SORCS3: variants seen among roughly 807,000 people sequenced by gnomAD.
The protein encoded by SORCS3 is VPS10 domain-containing receptor SorCS3.
SORCS3 carries 57 observed loss-of-function variants against 146.3 expected under a neutral mutation model. The ratio of observed to expected loss-of-function variants is 0.39; its 90% CI spans 0.31 to 0.49. The LOEUF is 0.49. Ranked by LOEUF, SORCS3 falls within the 20% of genes least tolerant of loss-of-function variation. The pLI, the probability that SORCS3 is intolerant of heterozygous loss-of-function variation, is 0.92. For synonymous variants in SORCS3, 653 were observed against 618.5 expected, an observed-to-expected ratio of 1.06 and a Z score of -0.83; for missense variants, 1,341 against 1,575.5, an observed-to-expected ratio of 0.85 and a Z score of 2.52.
intron 1 of SORCS3, among the ~76,000 whole-genome samples, chr10:104,762,541 C>T (rs536395749): frequency 7.2e-4 from 109 of 152,268 alleles, no homozygotes; most frequent in Middle Eastern, 3.4e-3. Flanking sequence ...ACATTAGAAA[C>T]GCTTGGTGAT....
At chr10:104,914,509 G>A (rs146776309) in intron 2 of SORCS3, among the ~76,000 whole-genome samples, 7 of 152,270 alleles carry the variant, frequency 4.6e-5, no homozygotes, top group African/African-American at 9.6e-5. Context: ...CATCACATTG[G>A]GAAGGAGGCT....
intron 1 of SORCS3, among the ~76,000 whole-genome samples, chr10:104,761,137 G>A (rs1209503921): frequency 6.6e-6 from 1 of 152,138 alleles, no homozygotes; most frequent in East Asian, 1.9e-4. Context: ...CTTAGTACAA[G>A]TGGTAGATGA....
At chr10:105,136,557 G>A (rs536611096) in intron 7 of SORCS3, among the ~76,000 whole-genome samples, 1 of 152,332 alleles carries the variant, frequency 6.6e-6, no homozygotes, top group South Asian at 2.1e-4. Flanking sequence ...AGGAATGTGT[G>A]TGCCATGAGA....
At chr10:105,242,538 A>G (rs2056835371) in intron 20 of SORCS3, among the ~76,000 whole-genome samples, 1 of 101,224 alleles carries the variant, frequency 9.9e-6, no homozygotes. Context: ...ATATTTATAT[A>G]TATTTATATA....
At chr10:104,908,724 G>A (rs573256805) in intron 2 of SORCS3, among the ~76,000 whole-genome samples, 1 of 152,296 alleles carries the variant, frequency 6.6e-6, no homozygotes, top group South Asian at 2.1e-4. Flanking sequence ...TGTATATTCA[G>A]AGAATAAATA....
At chr10:104,843,321 A>C (rs1168821875) in intron 2 of SORCS3, among the ~76,000 whole-genome samples, 1 of 152,154 alleles carries the variant, frequency 6.6e-6, no homozygotes, top group East Asian at 1.9e-4. Flanking sequence ...AGAGATACAG[A>C]TACAAGTCTG....
intron 1 of SORCS3, among the ~76,000 whole-genome samples, chr10:104,666,667 G>A (rs911053005): frequency 5.3e-5 from 8 of 152,152 alleles, no homozygotes; most frequent in Non-Finnish European, 8.8e-5. Context: ...GTGCAGTGAT[G>A]TGATCATAGC....
chr10:104,719,210 G>A (rs1039745168), intron 1 of SORCS3, among the ~76,000 whole-genome samples: 26 of 152,136 alleles, frequency 1.7e-4, no homozygotes, highest in Admixed American at 1.4e-3. Context: ...AATGGCTGCC[G>A]TATTGGACAG....
chr10:104,922,739 T>C (rs2019099463), intron 3 of SORCS3, among the ~76,000 whole-genome samples: 1 of 151,654 alleles, frequency 6.6e-6, no homozygotes, highest in Admixed American at 6.6e-5. Context: ...AAATCTACTG[T>C]TATCCCTGTT....
intron 5 of SORCS3, among the ~76,000 whole-genome samples, chr10:105,056,185 A>G (rs1010748958): frequency 4.6e-5 from 7 of 152,220 alleles, no homozygotes; most frequent in Non-Finnish European, 7.3e-5. Context: ...CTGAGGTCAT[A>G]TGTCTGGAGA....
intron 1 of SORCS3, among the ~76,000 whole-genome samples, chr10:104,760,772 C>T (rs930612272): frequency 6.6e-6 from 1 of 152,088 alleles, no homozygotes; most frequent in Non-Finnish European, 1.5e-5. Context: ...TCAGAAAGCT[C>T]ATCAGTATGA....
At chr10:104,694,790 TCA>T (rs1490135652) in intron 1 of SORCS3, among the ~76,000 whole-genome samples, 1 of 152,220 alleles carries the variant, frequency 6.6e-6, no homozygotes, top group Non-Finnish European at 1.5e-5. Flanking sequence ...CATTTCTGTC[TCA>T]GAGTCCTGCA....
intron 2 of SORCS3, among the ~76,000 whole-genome samples, chr10:104,911,886 C>G (rs1281884449): frequency 6.6e-6 from 1 of 152,142 alleles, no homozygotes; most frequent in African/African-American, 2.4e-5. Flanking sequence ...AAGTCCTCAT[C>G]CTCCACTATA....
At chr10:104,758,883 T>G (rs1341240518) in intron 1 of SORCS3, among the ~76,000 whole-genome samples, 1 of 152,166 alleles carries the variant, frequency 6.6e-6, no homozygotes, top group African/African-American at 2.4e-5. Flanking sequence ...GACTTCACTC[T>G]GAAGAAGTAG....
At chr10:105,092,608 A>AACACAC (rs61665816) in intron 6 of SORCS3, among the ~76,000 whole-genome samples, 4,249 of 147,348 alleles carry the variant, frequency 0.029, 187 homozygotes, top group African/African-American at 0.097. Context: ...TGCATTCACA[A>AACACAC]ACACACACAC....
intron 2 of SORCS3, among the ~76,000 whole-genome samples, chr10:104,845,417 A>G (rs1336274354): frequency 6.6e-6 from 1 of 152,238 alleles, no homozygotes; most frequent in Non-Finnish European, 1.5e-5. Flanking sequence ...AAATTAATGA[A>G]TGGGCTGTTT....
intron 1 of SORCS3, among the ~76,000 whole-genome samples, chr10:104,704,782 G>A (rs879717991): frequency 2.0e-5 from 3 of 152,128 alleles, no homozygotes; most frequent in Non-Finnish European, 4.4e-5. Context: ...GCCATCTTAT[G>A]TTCAGTGTTC....
chr10:105,258,994 G>T (rs1395076402), intron 25 of SORCS3, among the ~76,000 whole-genome samples: 1 of 151,700 alleles, frequency 6.6e-6, no homozygotes, highest in Non-Finnish European at 1.5e-5. Flanking sequence ...TATTTTTTTG[G>T]TCTCTTTTCC....
chr10:104,948,672 T>G (rs1448240014), intron 3 of SORCS3, among the ~76,000 whole-genome samples: 1 of 152,218 alleles, frequency 6.6e-6, no homozygotes, highest in East Asian at 1.9e-4. Context: ...AGAAGTGCTT[T>G]AAAGGGAAGG....
Sources: allele counts gnomAD v4.1 joint callset (sites outside exome capture counted in the v4.1 genomes callset), GRCh38; gene constraint gnomAD v4.1.1; transcripts MANE v1.5; gene names NCBI Gene and HGNC (gene_info 2026-07-23, HGNC 2026-07-21).